The following BEND4 variants were observed in gnomAD, a reference collection of about 807,000 sequenced individuals.
BEND4 encodes BEN domain containing 4, also known as BEN domain-containing protein 4.
A neutral mutation model predicts 54.7 loss-of-function variants in BEND4; 27 were observed. The ratio of observed to expected loss-of-function variants is 0.49; its 90% CI spans 0.36 to 0.68. The LOEUF is 0.68. Among genes scored for constraint, BEND4 ranks in the 30% least tolerant of loss-of-function variants. The pLI, the probability that BEND4 is intolerant of heterozygous loss-of-function variation, is 0.00. For missense variants in BEND4, 702 were observed against 697.2 expected, an observed-to-expected ratio of 1.01 and a Z score of -0.08; for synonymous variants, 327 against 299.5, an observed-to-expected ratio of 1.09 and a Z score of -0.95.
At chr4:42,141,998 G>C (rs1720902050) in intron 3 of BEND4, among the ~76,000 whole-genome samples, 1 of 151,698 alleles carries the variant, frequency 6.6e-6, no homozygotes, top group African/African-American at 2.4e-5. Context: ...CTGCCTCCTG[G>C]GTTCACGTCA....
At chr4:42,146,826 TG>T (rs1721096677) in intron 2 of BEND4, among the ~76,000 whole-genome samples, 1 of 152,212 alleles carries the variant, frequency 6.6e-6, no homozygotes, top group Non-Finnish European at 1.5e-5. Flanking sequence ...AAAACAGAAC[TG>T]GCTAGTAAGA....
intron 2 of BEND4, among the ~76,000 whole-genome samples, chr4:42,145,689 CAAAA>C (rs5857833): frequency 1.9e-5 from 2 of 104,866 alleles, no homozygotes; most frequent in Non-Finnish European, 4.0e-5. Flanking sequence ...GACTCCATCT[CAAAA>C]AAAAAAAAAA....
At chr4:42,144,895 T>C (rs1350491277) in intron 2 of BEND4, among the ~76,000 whole-genome samples, 1 of 152,182 alleles carries the variant, frequency 6.6e-6, no homozygotes, top group Non-Finnish European at 1.5e-5. Flanking sequence ...CAAATATAAA[T>C]GTCACAGGGT....
chr4:42,120,730 A>C (rs1194206756), intron 4 of BEND4, among the ~76,000 whole-genome samples: 1 of 152,196 alleles, frequency 6.6e-6, no homozygotes, highest in Non-Finnish European at 1.5e-5. Context: ...ATCTATTTTA[A>C]TAAGGTTTTA....
At chr4:42,128,769 A>G (rs1377073363) in intron 3 of BEND4, among the ~76,000 whole-genome samples, 1 of 151,110 alleles carries the variant, frequency 6.6e-6, no homozygotes, top group Admixed American at 6.6e-5. Context: ...CTAAAAATAC[A>G]AACAAACAAA....
chr4:42,128,766 T>TACAA (rs144267530), intron 3 of BEND4, among the ~76,000 whole-genome samples: 7,391 of 150,384 alleles, frequency 0.049, 633 homozygotes, highest in African/African-American at 0.17. Context: ...CTACTAAAAA[T>TACAA]ACAAACAAAC....
rs959027232 is a variant in BEND4 at position 42,152,058 on chromosome 4, G to A, written c.86C>T (p.Thr29Met). Residue 29 changes from threonine to methionine, a missense_variant, in exon 2 of 6, where the codon ACG becomes ATG. Coordinates refer to ENST00000502486, the MANE Select transcript of BEND4 (RefSeq NM_207406.4). The stretch of plus-strand genomic sequence containing the variant: ...CAGCGCCGGTCTCTTGCTGGGGAAC[G>A]TCTTGAGGACGCTGTAGGGGCTGCG... ...KQRSPYSVLK[T>M]FPSKRPALAK... is the part of the protein sequence containing the mutation. 8 of 1,252,318 alleles carry A rather than the reference G, an allele frequency of 6.4e-6. No homozygotes were observed. In the South Asian group the frequency reaches 2.0e-4, roughly 32 times the overall value. 77.6% of individuals were successfully genotyped at this position (1,252,318 alleles called of 1,614,324 possible).
chr4:42,117,417 T>C lies in BEND4; in HGVS notation c.*101A>G, dbSNP rs1719880973. On this transcript the variant is annotated 3_prime_UTR_variant, in exon 6 of 6. Coordinates refer to ENST00000502486, the MANE Select transcript of BEND4 (RefSeq NM_207406.4). Reference sequence around the variant, plus strand: ...GTGGCAGCTGAGAATGTGTAGACTATGGCAGAATGACAGGCTTTGGACTCT... The same window carrying C: ...GTGGCAGCTGAGAATGTGTAGACTACGGCAGAATGACAGGCTTTGGACTCT... The C allele has an allele frequency of 2.4e-6, 2 of 818,762 alleles. No individual in the cohort carries two copies. The highest frequency in any genetic ancestry group is 3.9e-6 in the Non-Finnish European group (2 of 513,258). 50.7% of individuals were successfully genotyped at this position (818,762 alleles called of 1,614,324 possible). A position where few individuals can be genotyped will look rare whatever the true frequency, so the allele number is the denominator to read the frequency against.
At chr4:42,119,008 T>G (rs1719956749) in intron 5 of BEND4, among the ~76,000 whole-genome samples, 1 of 152,168 alleles carries the variant, frequency 6.6e-6, no homozygotes, top group South Asian at 2.1e-4. Flanking sequence ...AAGGTTGTCT[T>G]GATCTAGGAA....
rs188108516 is a variant in BEND4 at position 42,116,177 on chromosome 4, T to C, written c.*1341A>G. 1.3e-5 allele frequency: 2 copies of C among 152,340 alleles called. No individual in the cohort carries two copies. The highest frequency in any genetic ancestry group is 6.5e-5 in the Admixed American group (1 of 15,296). The allele number at this position is 152,340 out of a possible 1,614,324, so 9.4% of individuals were successfully genotyped here. A position where few individuals can be genotyped will look rare whatever the true frequency, so the allele number is the denominator to read the frequency against. ...ACCAATTTTCAAAAACCCTTGGTCA[T>C]GTCTGTAGATGACATTAGTAGCCTT... On this transcript the variant is annotated 3_prime_UTR_variant, in exon 6 of 6. Coordinates refer to ENST00000502486, the MANE Select transcript of BEND4 (RefSeq NM_207406.4).
At chr4:42,135,041 G>C (rs1720648976) in intron 3 of BEND4, among the ~76,000 whole-genome samples, 1 of 152,220 alleles carries the variant, frequency 6.6e-6, no homozygotes, top group South Asian at 2.1e-4. Context: ...CTCTTTGGCA[G>C]TGGGTGACCT....
intron 3 of BEND4, among the ~76,000 whole-genome samples, chr4:42,142,148 G>GC (rs569133774): frequency 6.0e-4 from 91 of 151,078 alleles, no homozygotes; most frequent in African/African-American, 1.3e-3. Context: ...CTTGTGATCC[G>GC]CCCCCCCTCG....
In BEND4 at chr4:42,124,475, AG is replaced by A. The variant is rs1307900840; in HGVS notation, c.1146+1107del. Among the ~76,000 whole-genome samples, 3 of 152,224 alleles carry A rather than the reference AG, an allele frequency of 2.0e-5. No individual in the cohort carries two copies. The East Asian group carries it at 5.8e-4, about 29-fold the overall frequency. On this transcript the variant is annotated intron_variant, in intron 4 of 5. Transcript: ENST00000502486. Reference sequence around the variant, plus strand: ...ATGGAAAAACTCATGAAGGCGTCATAGGAAGAGGGGCAAGGAACCAGGAGAA... The same window carrying A: ...ATGGAAAAACTCATGAAGGCGTCATAGAAGAGGGGCAAGGAACCAGGAGAA...
intron 5 of BEND4, among the ~76,000 whole-genome samples, chr4:42,119,575 T>C (rs1379827986): frequency 6.6e-6 from 1 of 152,168 alleles, no homozygotes; most frequent in African/African-American, 2.4e-5. Flanking sequence ...AAGAGAAATG[T>C]TCTACTGGGC....
In BEND4 at chr4:42,151,412, C is replaced by T. The variant is rs1167240385; in HGVS notation, c.487+245G>A. 7 of 327,234 alleles carry T rather than the reference C, an allele frequency of 2.1e-5. No individual in the cohort carries two copies. The South Asian group carries it at 5.4e-4, about 25-fold the overall frequency. 20.3% of individuals were successfully genotyped at this position (327,234 alleles called of 1,614,324 possible). On this transcript the variant is annotated intron_variant, in intron 2 of 5. Transcript: ENST00000502486. ...CTGGTCGCCGACTGCCACAGCCGTG[C>T]TTCCCGGCGCGGGATCCAAGCCGCG...
chr4:42,129,870 A>C (rs1402526732), intron 3 of BEND4, among the ~76,000 whole-genome samples: 1 of 152,242 alleles, frequency 6.6e-6, no homozygotes, highest in Non-Finnish European at 1.5e-5. Flanking sequence ...TGAAAATGTC[A>C]AAAGCAATTG....
chr4:42,140,441 G>C (rs1246494630), intron 3 of BEND4, among the ~76,000 whole-genome samples: 8 of 152,140 alleles, frequency 5.3e-5, no homozygotes, highest in Non-Finnish European at 7.4e-5. Context: ...ATGGTTGCTG[G>C]TTCAAGTTCG....
intron 3 of BEND4, among the ~76,000 whole-genome samples, chr4:42,136,724 T>C (rs774132159): frequency 1.3e-5 from 2 of 152,222 alleles, no homozygotes; most frequent in Non-Finnish European, 2.9e-5. Flanking sequence ...ATGGCCCCAG[T>C]TGTAGCACTG....
At chr4:42,132,715 G>A (rs1044073312) in intron 3 of BEND4, among the ~76,000 whole-genome samples, 1 of 152,124 alleles carries the variant, frequency 6.6e-6, no homozygotes, top group African/African-American at 2.4e-5. Context: ...AAAGTGCTAG[G>A]ATTACAGGTG....
Sources: allele counts gnomAD v4.1 joint callset (sites outside exome capture counted in the v4.1 genomes callset), GRCh38; gene constraint gnomAD v4.1.1; transcripts MANE v1.5; gene names NCBI Gene and HGNC (gene_info 2026-07-23, HGNC 2026-07-21).